PPM1E: variants seen among roughly 807,000 people sequenced by gnomAD.
PPM1E encodes the protein protein phosphatase, Mg2+/Mn2+ dependent 1E, also known as protein phosphatase 1E.
In PPM1E, 20 loss-of-function variants were observed where a neutral mutation model predicts 65.9. The observed-to-expected ratio is 0.30, with a 90% confidence interval of 0.21 to 0.44. The LOEUF (loss-of-function observed/expected upper bound fraction) is 0.44. PPM1E is among the 20% of genes least tolerant of loss of function. The pLI, the probability that PPM1E is intolerant of heterozygous loss-of-function variation, is 1.00. For synonymous variants in PPM1E, 352 were observed against 374.9 expected (o/e 0.94, Z 0.70); for missense variants, 713 against 953.1 (o/e 0.75, Z 3.32).
rs575811354 is a variant in PPM1E at position 58,799,618 on chromosome 17, A to T, written c.464+43157A>T. 1.6e-4 allele frequency among the ~76,000 whole-genome samples: 25 copies of T among 152,182 alleles called. No individual in the cohort carries two copies. The East Asian group carries it at 4.8e-3, about 29-fold the overall frequency. ...CCGCCACGCCTGGCTACATTTTTGTATTTTTTGTAGAGATGGGGTTTCACT... is the reference window on the plus strand; with the variant it reads ...CCGCCACGCCTGGCTACATTTTTGTTTTTTTTGTAGAGATGGGGTTTCACT... On this transcript the variant is annotated intron_variant, in intron 1 of 6. Coordinates refer to ENST00000308249, the MANE Select transcript of PPM1E (RefSeq NM_014906.5).
intron 1 of PPM1E, among the ~76,000 whole-genome samples, chr17:58,938,431 G>A (rs1462621696): frequency 6.6e-6 from 1 of 152,126 alleles, no homozygotes; most frequent in African/African-American, 2.4e-5. Context: ...TCTCGTGTGT[G>A]TGTAACTATG....
In PPM1E at chr17:58,982,915, A is replaced by G; in HGVS notation, c.*1884A>G. ...TCAGGTGCAGTGTCAGTTTCAAATC[A>G]AATTATCTAAGAAAACAAGAAAACA... On this transcript the variant is annotated 3_prime_UTR_variant, in exon 7 of 7. Transcript: ENST00000308249. 6.3e-7 allele frequency: 1 copy of G among 1,576,666 alleles called. No homozygotes were observed. The highest frequency in any genetic ancestry group is 8.6e-7 in the Non-Finnish European group (1 of 1,159,680).
intron 1 of PPM1E, among the ~76,000 whole-genome samples, chr17:58,797,553 C>A (rs1339914123): frequency 6.6e-6 from 1 of 152,116 alleles, no homozygotes; most frequent in Admixed American, 6.6e-5. Context: ...TCAGTTATTT[C>A]TTTTTATTGC....
intron 1 of PPM1E, among the ~76,000 whole-genome samples, chr17:58,775,276 A>G (rs542038768): frequency 6.6e-6 from 1 of 152,292 alleles, no homozygotes; most frequent in East Asian, 1.9e-4. Flanking sequence ...ACTAAATAAG[A>G]TAGACACTGT....
intron 1 of PPM1E, among the ~76,000 whole-genome samples, chr17:58,868,132 C>G (rs1038942963): frequency 6.6e-6 from 1 of 152,078 alleles, no homozygotes; most frequent in Non-Finnish European, 1.5e-5. Context: ...GAGTTTAAGA[C>G]CAGCCTGGGC....
Position 58,985,156 on chromosome 17 carries a change from T to C in PPM1E, c.*4125T>C, listed in dbSNP as rs1294336914. The C allele has an allele frequency of 6.6e-6, 1 of 152,664 alleles. No homozygotes were observed. Among genetic ancestry groups the C allele is most frequent in the African/African-American group, 2.4e-5 (1 of 41,470 alleles). The allele number at this position is 152,664 out of a possible 1,614,324, so 9.5% of individuals were successfully genotyped here. ...GTTGAAATTTTGCCAATTATCTTAA[T>C]AAAACCTGGCAATTTAAAAACCACT... On this transcript the variant is annotated 3_prime_UTR_variant, in exon 7 of 7. Transcript: ENST00000308249.
Position 58,909,924 on chromosome 17 carries a change from C to CTTTT in PPM1E, c.465-45708_465-45705dup, listed in dbSNP as rs35833275. 8.8e-4 allele frequency among the ~76,000 whole-genome samples: 79 copies of CTTTT among 90,036 alleles called. 1 individual carries two copies. The highest frequency in any genetic ancestry group is 1.4e-3 in the East Asian group (4 of 2,942). The allele number at this position is 90,036 out of a possible 152,430, so 59.1% of individuals were successfully genotyped here. On this transcript the variant is annotated intron_variant, in intron 1 of 6. Coordinates refer to ENST00000308249, the MANE Select transcript of PPM1E (RefSeq NM_014906.5). ...CTTTCTTTCTTTCTTTTTTCTTTTTCTTTTTTTTTTTTTTTTTTTTGAGAC... is the reference window on the plus strand; with the variant it reads ...CTTTCTTTCTTTCTTTTTTCTTTTTCTTTTTTTTTTTTTTTTTTTTTTTTGAGAC...
intron 1 of PPM1E, among the ~76,000 whole-genome samples, chr17:58,837,456 A>T (rs1275180301): frequency 6.7e-6 from 1 of 149,734 alleles, no homozygotes; most frequent in East Asian, 1.9e-4. Flanking sequence ...ATGTTAAGAA[A>T]TTGTTTTAAA....
chr17:58,816,579 A>G (rs1340114270), intron 1 of PPM1E, among the ~76,000 whole-genome samples: 9 of 150,540 alleles, frequency 6.0e-5, no homozygotes, highest in Non-Finnish European at 1.2e-4. Flanking sequence ...GCCATCCCCT[A>G]GTAACCTCTA....
At chr17:58,970,758 CTT>C (rs1382260220) in intron 4 of PPM1E, among the ~76,000 whole-genome samples, 2 of 152,062 alleles carry the variant, frequency 1.3e-5, no homozygotes, top group East Asian at 1.9e-4. Context: ...TAAAGCCACT[CTT>C]GACCTCAGAG....
intron 1 of PPM1E, among the ~76,000 whole-genome samples, chr17:58,930,727 A>G (rs79558997): frequency 7.9e-4 from 121 of 152,256 alleles, no homozygotes; most frequent in Admixed American, 2.0e-3. Context: ...CTTCTGGAAA[A>G]CATAGTAAGG....
intron 1 of PPM1E, among the ~76,000 whole-genome samples, chr17:58,955,373 A>G (rs1326006578): frequency 1.3e-5 from 2 of 152,144 alleles, no homozygotes; most frequent in Non-Finnish European, 2.9e-5. Flanking sequence ...TAAAAAACAA[A>G]CAACAAACAG....
At chr17:58,781,196 A>G (rs939897587) in intron 1 of PPM1E, among the ~76,000 whole-genome samples, 1 of 143,234 alleles carries the variant, frequency 7.0e-6, no homozygotes, top group Non-Finnish European at 1.5e-5. Context: ...GCTGGAGTGC[A>G]GTGTCACGAT....
intron 1 of PPM1E, among the ~76,000 whole-genome samples, chr17:58,810,207 C>A: frequency 6.6e-6 from 1 of 151,866 alleles, no homozygotes; most frequent in Admixed American, 6.6e-5. Flanking sequence ...GTGCTGTGTA[C>A]TTTTTTGTTT....
chr17:58,949,711 A>G (rs1438819773), intron 1 of PPM1E, among the ~76,000 whole-genome samples: 1 of 151,850 alleles, frequency 6.6e-6, no homozygotes, highest in Non-Finnish European at 1.5e-5. Flanking sequence ...GAATTTTATA[A>G]TTTCACATAT....
At chr17:58,959,667 TAA>T (rs76110788) in intron 2 of PPM1E, among the ~76,000 whole-genome samples, 45 of 115,154 alleles carry the variant, frequency 3.9e-4, no homozygotes, top group Admixed American at 5.4e-4. Context: ...GCACCCAGCC[TAA>T]AAAAAAAAAA....
rs2143836521 is a variant in PPM1E, at chr17:58,981,888, T to C, written c.*857T>C. The C allele has an allele frequency of 6.5e-6, 1 of 152,784 alleles. No individual in the cohort carries two copies. Among genetic ancestry groups the C allele is most frequent in the Non-Finnish European group, 1.5e-5 (1 of 68,032 alleles). 9.5% of individuals were successfully genotyped at this position (152,784 alleles called of 1,614,324 possible). On this transcript the variant is annotated 3_prime_UTR_variant, in exon 7 of 7. Coordinates refer to ENST00000308249, the MANE Select transcript of PPM1E (RefSeq NM_014906.5). ...TAACGGAGATGATGTCAGGTACAAATACACTATAGAGTCAAAATACCATTT... is the reference window on the plus strand; with the variant it reads ...TAACGGAGATGATGTCAGGTACAAACACACTATAGAGTCAAAATACCATTT...
rs1366283890 is a variant in PPM1E at position 58,922,874 on chromosome 17, G to A, written c.465-32775G>A. ...TAATTTTTGTATTTTTAGAAGAGAC[G>A]GGGTTTCACCATATTGGCCAAGATG... is the stretch of plus-strand genomic sequence containing the variant. On this transcript the variant is annotated intron_variant, in intron 1 of 6. Coordinates refer to ENST00000308249, the MANE Select transcript of PPM1E (RefSeq NM_014906.5). Among the ~76,000 whole-genome samples, 4 of 151,738 alleles carry A rather than the reference G, an allele frequency of 2.6e-5. 1 individual carries two copies. The highest frequency in any genetic ancestry group is 4.8e-5 in the African/African-American group (2 of 41,300).
chr17:58,810,635 C>T (rs1045108737), intron 1 of PPM1E, among the ~76,000 whole-genome samples: 2 of 152,158 alleles, frequency 1.3e-5, no homozygotes, highest in Non-Finnish European at 2.9e-5. Flanking sequence ...AGCCTTTCAC[C>T]TTATGGTTTT....
Sources: gnomAD v4.1 joint callset for allele counts (sites outside exome capture counted in the v4.1 genomes callset) on GRCh38, gnomAD v4.1.1 for gene constraint, MANE v1.5 for transcripts, NCBI Gene and HGNC (gene_info 2026-07-23, HGNC 2026-07-21) for gene names.